Variants in NBEAL1 observed in about 807,000 individuals in gnomAD.
NBEAL1 encodes the protein neurobeachin-like protein 1.
NBEAL1 carries 273 observed loss-of-function variants against 351.3 expected under a neutral mutation model. The ratio of observed to expected loss-of-function variants is 0.78; its 90% CI spans 0.70 to 0.86. The LOEUF (loss-of-function observed/expected upper bound fraction) is 0.86. Ranked by LOEUF, NBEAL1 falls within the 40% of genes least tolerant of loss-of-function variation. The probability of loss-of-function intolerance (pLI) is 0.00; values close to 1 mark genes in which losing one functional copy is unlikely to be tolerated. For synonymous variants in NBEAL1, 1,050 were observed against 1,086.4 expected (o/e 0.97, Z 0.66); for missense variants, 2,961 against 3,201.3 (o/e 0.92, Z 1.81).
chr2:203,195,497 C>T (rs2065214803), intron 47 of NBEAL1, among the ~76,000 whole-genome samples: 2 of 152,204 alleles, frequency 1.3e-5, no homozygotes, highest in South Asian at 4.1e-4. Context: ...GAAATTATGA[C>T]TAATTCCCAG....
At position 203,083,213 on chromosome 2, in the gene NBEAL1, T is replaced by TTTA. The variant is rs1413674616; in HGVS notation, c.685-4_685-3insATT. On this transcript the variant is annotated splice_polypyrimidine_tract_variant and splice_region_variant and intron_variant, in intron 8 of 55. Transcript: ENST00000683969. ...GGTTTCATTTTTATTGTCTCTAATG[T>TTTA]TTCAGAGGAATGCTTTGCAAGCAAT... The TTTA allele has an allele frequency of 6.5e-7, 1 of 1,548,366 alleles. No homozygotes were observed. The highest frequency in any genetic ancestry group is 1.4e-5 in the African/African-American group (1 of 72,974).
At chr2:203,125,893 A>G in intron 20 of NBEAL1, 67 bp from the exon 21 acceptor site, 1 of 1,301,232 alleles carries the variant, frequency 7.7e-7, no homozygotes. Context: ...GTGCATTAAG[A>G]TATAGAAAAT....
At chr2:203,144,989 T>C (rs771889537) in intron 32 of NBEAL1, 22 bp from the exon 33 acceptor site, 35 of 1,516,826 alleles carry the variant, frequency 2.3e-5, no homozygotes, top group Non-Finnish European at 3.1e-5. Context: ...ATTTTATGTA[T>C]CTTTTTTATT....
At chr2:203,050,119 C>T in intron 4 of NBEAL1, 144 bp downstream of exon 4, 1 of 672,644 alleles carries the variant, frequency 1.5e-6, no homozygotes, top group East Asian at 2.8e-5. Context: ...AGGAGAAATA[C>T]CTAATGTAGA....
intron 2 of NBEAL1, among the ~76,000 whole-genome samples, chr2:203,029,691 C>CA (rs11407531): frequency 0.44 from 43,927 of 100,850 alleles, 7,473 homozygotes; most frequent in East Asian, 0.64. Context: ...GACCCTGTCT[C>CA]AAAAAAAAAA....
chr2:203,019,225 A>G (rs1044240827), intron 2 of NBEAL1, among the ~76,000 whole-genome samples: 28 of 152,324 alleles, frequency 1.8e-4, no homozygotes, highest in African/African-American at 6.7e-4. Flanking sequence ...AAGGGCTAGA[A>G]TAATTTATTA....
At chr2:203,164,988 A>G (rs1241531048) in intron 36 of NBEAL1, among the ~76,000 whole-genome samples, 4 of 152,006 alleles carry the variant, frequency 2.6e-5, no homozygotes, top group African/African-American at 4.8e-5. Context: ...CAGCCTCCCA[A>G]GTAGCTGGGA....
chr2:203,126,575 G>C lies in NBEAL1; in HGVS notation c.3004G>C (p.Asp1002His). ...GTTTCAGGTGCCAAGCACCTTGATGGATGTTAATGTGTTGATGGCAGTTCA... is the reference window on the plus strand; with the variant it reads ...GTTTCAGGTGCCAAGCACCTTGATGCATGTTAATGTGTTGATGGCAGTTCA... ...LLQKVPSTLMDVNVLMAVQLL... is the reference protein window; with the variant it reads ...LLQKVPSTLMHVNVLMAVQLL... The change falls in exon 22 of 56, where the codon GAT becomes CAT. Residue 1002 changes from aspartate (D) to histidine (H), a missense_variant. Coordinates refer to ENST00000683969, the MANE Select transcript of NBEAL1 (RefSeq NM_001378026.1). The C allele has an allele frequency of 6.8e-7, 1 of 1,473,874 alleles. No homozygotes were observed. The highest frequency in any genetic ancestry group is 9.0e-7 in the Non-Finnish European group (1 of 1,113,384). The allele number at this position is 1,473,874 out of a possible 1,614,324, so 91.3% of individuals were successfully genotyped here.
At chr2:203,171,174 C>T (rs2064307409) in intron 39 of NBEAL1, among the ~76,000 whole-genome samples, 1 of 152,186 alleles carries the variant, frequency 6.6e-6, no homozygotes, top group Non-Finnish European at 1.5e-5. Flanking sequence ...AGGAGAATCA[C>T]TTGAACCCTG....
chr2:203,049,807 G>T lies in NBEAL1; in HGVS notation c.144-7G>T, dbSNP rs1243329582. 6.5e-7 allele frequency: 1 copy of T among 1,533,520 alleles called. No homozygotes were observed. Among genetic ancestry groups the T allele is most frequent in the Admixed American group, 2.1e-5 (1 of 48,286 alleles). 95.0% of individuals were successfully genotyped at this position (1,533,520 alleles called of 1,614,324 possible). On this transcript the variant is annotated splice_polypyrimidine_tract_variant and splice_region_variant and intron_variant, in intron 3 of 55. Transcript: ENST00000683969. ...AGGCTTCTTATTTTTTTCCCTTTCT[G>T]TTGTAGGGTAGATGATATGCCTCCA...
At chr2:203,186,752 A>T (rs1326939882) in intron 44 of NBEAL1, among the ~76,000 whole-genome samples, 1 of 152,130 alleles carries the variant, frequency 6.6e-6, no homozygotes, top group Non-Finnish European at 1.5e-5. Context: ...TTTACTCTAA[A>T]CTAGTCTAAT....
At chr2:203,195,934 C>T (rs575885146) in intron 47 of NBEAL1, among the ~76,000 whole-genome samples, 3 of 152,224 alleles carry the variant, frequency 2.0e-5, no homozygotes, top group African/African-American at 4.8e-5. Flanking sequence ...AGTGAGCCAC[C>T]CTTGTCATTG....
chr2:203,217,354 A>G lies in NBEAL1; in HGVS notation c.8172A>G (p.Ter2724TrpextTer13). 1 of 1,566,536 alleles carries G rather than the reference A, an allele frequency of 6.4e-7. No homozygotes were observed. The part of the protein sequence containing the change: ...ETEYNTQDSK[*>W] ...AATATAATACTCAAGATTCCAAGTGATTGTTATTTCCATTTTCTGTTATGA... is the reference window on the plus strand; with the variant it reads ...AATATAATACTCAAGATTCCAAGTGGTTGTTATTTCCATTTTCTGTTATGA... The change falls in exon 56 of 56, where the codon TGA (stop) becomes TGG (tryptophan). Residue 2724 changes from the stop codon to tryptophan (W), a stop_lost. Coordinates refer to ENST00000683969, the MANE Select transcript of NBEAL1 (RefSeq NM_001378026.1).
At chr2:203,200,420 G>T (rs1264353092) in intron 49 of NBEAL1, among the ~76,000 whole-genome samples, 1 of 152,332 alleles carries the variant, frequency 6.6e-6, no homozygotes, top group Middle Eastern at 3.4e-3. Context: ...GGCTGAGGCA[G>T]GAGAATGGTG....
chr2:203,116,336 T>G (rs1305103775), intron 18 of NBEAL1, among the ~76,000 whole-genome samples: 1 of 152,216 alleles, frequency 6.6e-6, no homozygotes, highest in Non-Finnish European at 1.5e-5. Flanking sequence ...TGAATTGACT[T>G]CAGTAAGTGA....
In NBEAL1 at chr2:203,134,293, TATAAA is replaced by T. The variant is rs566471536; in HGVS notation, c.3813+1152_3813+1156del. Among the ~76,000 whole-genome samples, 113 of 152,286 alleles carry T rather than the reference TATAAA, an allele frequency of 7.4e-4. 3 individuals are homozygous for T. Among genetic ancestry groups the T allele is most frequent in the Admixed American group, 7.2e-3 (110 of 15,282 alleles). On this transcript the variant is annotated intron_variant, in intron 27 of 55. Coordinates refer to ENST00000683969, the MANE Select transcript of NBEAL1 (RefSeq NM_001378026.1). ...ATCTATTATTTATGTATAAAATAGA[TATAAA>T]ATAAGTCATATTTTATGGAAACTTT... is the stretch of plus-strand genomic sequence containing the variant.
chr2:203,039,638 C>T (rs1180944911), intron 2 of NBEAL1, among the ~76,000 whole-genome samples: 3 of 152,156 alleles, frequency 2.0e-5, no homozygotes, highest in Non-Finnish European at 4.4e-5. Flanking sequence ...AGGTGATCCG[C>T]CTGCCTCGGG....
At chr2:203,127,976 A>G in intron 24 of NBEAL1, 39 bp downstream of exon 24, 2 of 1,455,390 alleles carry the variant, frequency 1.4e-6, no homozygotes, top group Non-Finnish European at 1.9e-6. Flanking sequence ...CCTTTTTAAC[A>G]TTTGAGTTGC....
intron 31 of NBEAL1, among the ~76,000 whole-genome samples, chr2:203,140,206 G>C (rs1436558741): frequency 1.3e-5 from 2 of 151,844 alleles, no homozygotes; most frequent in Non-Finnish European, 2.9e-5. Context: ...GGGGTGCTGA[G>C]GTAGGAGAAT....
Sources: gnomAD v4.1 joint callset for allele counts (sites outside exome capture counted in the v4.1 genomes callset) on GRCh38, gnomAD v4.1.1 for gene constraint, MANE v1.5 for transcripts, NCBI Gene and HGNC (gene_info 2026-07-23, HGNC 2026-07-21) for gene names.